The following AGO2 variants were observed in gnomAD, a reference collection of about 807,000 sequenced individuals.
The protein encoded by AGO2 is argonaute RISC catalytic component 2, also known as protein argonaute-2.
AGO2 carries 5 observed loss-of-function variants against 102.3 expected under a neutral mutation model. That is an observed-to-expected ratio of 0.05 (90% CI 0.03 to 0.10). The LOEUF (loss-of-function observed/expected upper bound fraction) is 0.10. AGO2 is among the 10% of genes least tolerant of loss of function. The pLI is 1.00. For missense variants in AGO2, 541 were observed against 1,183.7 expected, an observed-to-expected ratio of 0.46 and a Z score of 7.97; for synonymous variants, 449 against 473.1, an observed-to-expected ratio of 0.95 and a Z score of 0.66.
chr8:140,531,177 GATAT>G lies in AGO2; in HGVS notation c.*863_*866del, dbSNP rs1272183800. The G allele has an allele frequency of 6.6e-6, 1 of 152,324 alleles. No homozygotes were observed. Among genetic ancestry groups the G allele is most frequent in the Non-Finnish European group, 1.5e-5 (1 of 68,004 alleles). 9.4% of individuals were successfully genotyped at this position (152,324 alleles called of 1,614,324 possible). On this transcript the variant is annotated 3_prime_UTR_variant, in exon 19 of 19. Coordinates refer to ENST00000220592, the MANE Select transcript of AGO2 (RefSeq NM_012154.5). Reference sequence around the variant, plus strand: ...TCTATCACATTAATACTGCAAACCAGATATATATATTCTTCTCTTACATTAAAGA... The same window carrying G: ...TCTATCACATTAATACTGCAAACCAGATATATTCTTCTCTTACATTAAAGA...
chr8:140,562,420 T>C (rs2073217456), intron 4 of AGO2, 33 bp downstream of exon 4: 3 of 1,585,500 alleles, frequency 1.9e-6, no homozygotes, highest in South Asian at 2.2e-5. Flanking sequence ...TGCAGGGGAG[T>C]CCCCCGCCCT....
intron 1 of AGO2, among the ~76,000 whole-genome samples, chr8:140,599,911 G>A (rs762749135): frequency 1.3e-5 from 2 of 152,136 alleles, no homozygotes; most frequent in Non-Finnish European, 2.9e-5. Flanking sequence ...TCGCAGAGAT[G>A]GGGTTTCACC....
intron 3 of AGO2, among the ~76,000 whole-genome samples, chr8:140,569,188 G>A (rs1423262982): frequency 6.6e-6 from 1 of 152,270 alleles, no homozygotes; most frequent in Non-Finnish European, 1.5e-5. Flanking sequence ...CGGACAGGCA[G>A]GAGTGCCGAA....
intron 2 of AGO2, among the ~76,000 whole-genome samples, chr8:140,581,994 A>G (rs1006092652): frequency 9.2e-5 from 14 of 152,248 alleles, no homozygotes; most frequent in African/African-American, 3.4e-4. Flanking sequence ...AAAAATTTAC[A>G]CAACCATTTA....
At chr8:140,572,727 G>T in intron 3 of AGO2, 85 bp downstream of exon 3, 2 of 1,518,844 alleles carry the variant, frequency 1.3e-6, no homozygotes, top group South Asian at 1.3e-5. Flanking sequence ...TTTCGTGTAT[G>T]AGAACAGGCA....
intron 17 of AGO2, 33 bp from the exon 18 acceptor site, chr8:140,532,648 T>G: frequency 6.3e-7 from 1 of 1,596,512 alleles, no homozygotes; most frequent in Non-Finnish European, 8.6e-7. Context: ...ACAGTTGGAC[T>G]CGCATAAAAT....
chr8:140,600,546 G>A (rs2073917628), intron 1 of AGO2, among the ~76,000 whole-genome samples: 1 of 152,198 alleles, frequency 6.6e-6, no homozygotes, highest in African/African-American at 2.4e-5. Flanking sequence ...CGGGCGTGGT[G>A]GCGCATGCCT....
chr8:140,538,557 A>G (rs1241354774), intron 16 of AGO2, among the ~76,000 whole-genome samples: 3 of 152,168 alleles, frequency 2.0e-5, no homozygotes, highest in East Asian at 1.9e-4. Flanking sequence ...CCCTTCCGGA[A>G]CACCTATGAG....
chr8:140,538,207 A>C (rs1232322786), intron 16 of AGO2, among the ~76,000 whole-genome samples: 3 of 152,132 alleles, frequency 2.0e-5, no homozygotes, highest in Non-Finnish European at 4.4e-5. Context: ...TTGCACAGTA[A>C]ACCTTCCCTG....
At chr8:140,596,738 A>G (rs1424104359) in intron 1 of AGO2, among the ~76,000 whole-genome samples, 1 of 152,238 alleles carries the variant, frequency 6.6e-6, no homozygotes, top group Non-Finnish European at 1.5e-5. Context: ...ACAAAGTGGC[A>G]TCTACAGGTG....
intron 1 of AGO2, among the ~76,000 whole-genome samples, chr8:140,587,227 G>A (rs2073673385): frequency 6.6e-6 from 1 of 152,210 alleles, no homozygotes; most frequent in Admixed American, 6.5e-5. Context: ...ACTAACCCCT[G>A]TGAATAAAGG....
At chr8:140,602,730 C>T (rs905982398) in intron 1 of AGO2, among the ~76,000 whole-genome samples, 3 of 152,198 alleles carry the variant, frequency 2.0e-5, no homozygotes, top group Non-Finnish European at 4.4e-5. Flanking sequence ...TCCAATTTGT[C>T]CAACCAGCTA....
At chr8:140,635,872 T>G (rs995373289), upstream of AGO2, among the ~76,000 whole-genome samples, 1 of 73,950 alleles carries the variant, frequency 1.4e-5, no homozygotes, top group African/African-American at 5.2e-5. Context: ...CGCCGGGCGG[T>G]GGGAACCGCG....
intron 1 of AGO2, among the ~76,000 whole-genome samples, chr8:140,616,429 A>G (rs933195510): frequency 6.6e-6 from 1 of 152,230 alleles, no homozygotes; most frequent in African/African-American, 2.4e-5. Context: ...CAACGACAAC[A>G]ATTATTAACT....
In AGO2 at chr8:140,625,199, G is replaced by A. The variant is rs191805790; in HGVS notation, c.22+10286C>T. On this transcript the variant is annotated intron_variant, in intron 1 of 18. Coordinates refer to ENST00000220592, the MANE Select transcript of AGO2 (RefSeq NM_012154.5). ...CCCTCCTTTGCTGGAGTGCAGTGGC[G>A]CGATCTCAGCTCGCTCCAACCTCCA... Among the ~76,000 whole-genome samples the A allele has an allele frequency of 2.7e-3, 406 of 152,306 alleles. 1 individual carries two copies. The highest frequency in any genetic ancestry group is 4.8e-3 in the South Asian group (23 of 4,822).
At chr8:140,612,080 G>A (rs571745694) in intron 1 of AGO2, among the ~76,000 whole-genome samples, 117 of 152,046 alleles carry the variant, frequency 7.7e-4, no homozygotes, top group African/African-American at 2.4e-3. Flanking sequence ...AAAATTAGCC[G>A]GGAGCAGTGG....
Position 140,556,290 on chromosome 8 carries a change from T to C in AGO2, c.1027-4A>G, listed in dbSNP as rs1019039433. On this transcript the variant is annotated splice_region_variant and splice_polypyrimidine_tract_variant and intron_variant, in intron 8 of 18. Coordinates refer to ENST00000220592, the MANE Select transcript of AGO2 (RefSeq NM_012154.5). Reference sequence around the variant, plus strand: ...GTCCTGCCACAATGTTACAGACCTGTGAAGAGGACGTAGAGACAGGCCGTC... The same window carrying C: ...GTCCTGCCACAATGTTACAGACCTGCGAAGAGGACGTAGAGACAGGCCGTC... 41 of 1,613,978 alleles carry C rather than the reference T, an allele frequency of 2.5e-5. No homozygotes were observed. Among genetic ancestry groups the C allele is most frequent in the African/African-American group, 5.3e-5 (4 of 74,926 alleles).
chr8:140,584,990 C>G (rs1347463874), intron 2 of AGO2, 129 bp downstream of exon 2: 1 of 837,066 alleles, frequency 1.2e-6, no homozygotes, highest in Non-Finnish European at 1.7e-6. Context: ...TTTTGAAAAG[C>G]AAATGCAGCT....
intron 2 of AGO2, among the ~76,000 whole-genome samples, chr8:140,579,101 T>G (rs747562986): frequency 6.6e-6 from 1 of 152,004 alleles, no homozygotes; most frequent in Non-Finnish European, 1.5e-5. Context: ...TGCGCGCCTG[T>G]GGTCCCAGCT....
Sources: gnomAD v4.1 joint callset for allele counts (sites outside exome capture counted in the v4.1 genomes callset) on GRCh38, gnomAD v4.1.1 for gene constraint, MANE v1.5 for transcripts, NCBI Gene and HGNC (gene_info 2026-07-23, HGNC 2026-07-21) for gene names.